Variants in DOCK8 observed in about 807,000 individuals in gnomAD.
The protein encoded by DOCK8 is dedicator of cytokinesis 8.
DOCK8 carries 141 observed loss-of-function variants against 245.6 expected under a neutral mutation model. The observed-to-expected ratio is 0.57, with a 90% confidence interval of 0.50 to 0.66. The LOEUF is 0.66. Among genes scored for constraint, DOCK8 ranks in the 30% least tolerant of loss-of-function variants. The pLI is 0.00. For missense variants in DOCK8, 2,965 were observed against 2,603.4 expected (o/e 1.14, Z -3.02); for synonymous variants, 1,168 against 970.2 (o/e 1.20, Z -3.79).
Position 400,952 on chromosome 9 carries a change from ACCACCACCACCACCTCCT to A in DOCK8, c.3234+1700_3234+1717del, listed in dbSNP as rs1417591906. Among the ~76,000 whole-genome samples the A allele has an allele frequency of 6.2e-4, 42 of 67,482 alleles. 1 individual carries two copies. The highest frequency in any genetic ancestry group is 2.4e-3 in the East Asian group (3 of 1,256). The allele number at this position is 67,482 out of a possible 152,430, so 44.3% of individuals were successfully genotyped here. A position where few individuals can be genotyped will look rare whatever the true frequency, so the allele number is the denominator to read the frequency against. ...CACAACATCCACCACCACCATCACC[ACCACCACCACCACCTCCT>A]CCACCATCACCACCTCCTCCACCAC... On this transcript the variant is annotated intron_variant, in intron 26 of 47. Coordinates refer to ENST00000432829, the MANE Select transcript of DOCK8 (RefSeq NM_203447.4).
At chr9:246,606 A>G (rs1202373052) in intron 1 of DOCK8, among the ~76,000 whole-genome samples, 2 of 152,134 alleles carry the variant, frequency 1.3e-5, no homozygotes, top group African/African-American at 4.8e-5. Flanking sequence ...ATGTAAGAGT[A>G]TTTAAGGGAT....
chr9:213,397 A>C (rs147368799), upstream of DOCK8: 2 of 152,312 alleles, frequency 1.3e-5, no homozygotes, highest in Non-Finnish European at 2.9e-5. Context: ...TAGGAATATA[A>C]TGAGGCTCAC....
At chr9:301,047 A>G (rs927333675) in intron 4 of DOCK8, among the ~76,000 whole-genome samples, 7 of 152,202 alleles carry the variant, frequency 4.6e-5, no homozygotes, top group African/African-American at 1.7e-4. Flanking sequence ...CAGAAAAGAA[A>G]ACTTCAGGCC....
intron 2 of DOCK8, among the ~76,000 whole-genome samples, chr9:275,136 C>T (rs1469766278): frequency 2.0e-5 from 3 of 152,128 alleles, no homozygotes; most frequent in African/African-American, 7.2e-5. Flanking sequence ...GTAAAATTGG[C>T]ATAATAATGC....
chr9:334,484 G>C, intron 11 of DOCK8, 100 bp downstream of exon 11: 2 of 1,316,652 alleles, frequency 1.5e-6, no homozygotes, highest in Non-Finnish European at 2.1e-6. Context: ...TGAGGTGTGG[G>C]AAGTGGGGAG....
chr9:263,639 G>T (rs1244726439), intron 1 of DOCK8, among the ~76,000 whole-genome samples: 1 of 152,070 alleles, frequency 6.6e-6, no homozygotes, highest in Non-Finnish European at 1.5e-5. Flanking sequence ...GTATGGCTCT[G>T]CTGGTGATAA....
chr9:296,782 CAA>C (rs943978874), intron 4 of DOCK8, among the ~76,000 whole-genome samples: 2 of 152,142 alleles, frequency 1.3e-5, no homozygotes, highest in African/African-American at 2.4e-5. Context: ...TATGTGGTAA[CAA>C]AGAGCAATCC....
chr9:365,937 A>C (rs942333768), intron 14 of DOCK8: 1 of 267,058 alleles, frequency 3.7e-6, no homozygotes, highest in Non-Finnish European at 7.4e-6. Context: ...TCAGTGGCTC[A>C]GTCTTACCGA....
intron 26 of DOCK8, among the ~76,000 whole-genome samples, chr9:400,557 TCACCATCACCACCACCACCTC>T (rs2054890866): frequency 1.9e-4 from 1 of 5,214 alleles, no homozygotes; most frequent in Non-Finnish European, 3.1e-4. Flanking sequence ...ACCAGCATCT[TCACCATCACCACCACCACCTC>T]CACCATCACC....
chr9:282,577 C>G (rs564708835), intron 2 of DOCK8, among the ~76,000 whole-genome samples: 1 of 149,816 alleles, frequency 6.7e-6, no homozygotes, highest in East Asian at 1.9e-4. Context: ...TACCACCACA[C>G]CCATCTAACT....
At chr9:341,374 T>C (rs1252964687) in intron 14 of DOCK8, among the ~76,000 whole-genome samples, 1 of 152,222 alleles carries the variant, frequency 6.6e-6, no homozygotes, top group Non-Finnish European at 1.5e-5. Context: ...TTAATGCTCA[T>C]GCACTTCTTT....
intron 23 of DOCK8, among the ~76,000 whole-genome samples, chr9:387,851 C>A (rs1158706122): frequency 1.3e-5 from 2 of 152,222 alleles, no homozygotes; most frequent in Non-Finnish European, 2.9e-5. Flanking sequence ...AGCCTGACTT[C>A]TTTAACCCAT....
chr9:401,487 A>G (rs556847482), intron 26 of DOCK8, among the ~76,000 whole-genome samples: 4 of 152,282 alleles, frequency 2.6e-5, no homozygotes, highest in African/African-American at 9.6e-5. Flanking sequence ...CAAGGGCTGT[A>G]GCAGCTTAGG....
chr9:232,073 A>G (rs1364509229), intron 1 of DOCK8, among the ~76,000 whole-genome samples: 1 of 152,168 alleles, frequency 6.6e-6, no homozygotes, highest in African/African-American at 2.4e-5. Context: ...ATGTCCCATC[A>G]ATACCTAATT....
At chr9:261,525 C>T (rs1051350214) in intron 1 of DOCK8, among the ~76,000 whole-genome samples, 1 of 152,148 alleles carries the variant, frequency 6.6e-6, no homozygotes, top group East Asian at 1.9e-4. Flanking sequence ...GTTTTATGGT[C>T]GGGGATATGG....
intron 1 of DOCK8, among the ~76,000 whole-genome samples, chr9:265,680 T>A (rs1378105366): frequency 6.6e-6 from 1 of 152,198 alleles, no homozygotes; most frequent in African/African-American, 2.4e-5. Context: ...TACCAGCAGA[T>A]AATGAAAGAA....
At chr9:400,321 TC>T (rs2054828201) in intron 26 of DOCK8, among the ~76,000 whole-genome samples, 1 of 39,662 alleles carries the variant, frequency 2.5e-5, no homozygotes, top group Non-Finnish European at 4.3e-5. Context: ...CACCACCACC[TC>T]CACCACCACC....
intron 39 of DOCK8, among the ~76,000 whole-genome samples, chr9:436,495 C>G (rs1354994464): frequency 1.3e-5 from 2 of 152,108 alleles, no homozygotes; most frequent in Non-Finnish European, 2.9e-5. Context: ...GTTTCATTTA[C>G]TAAATTATTT....
chr9:214,226 A>C, upstream of DOCK8: 1 of 430,734 alleles, frequency 2.3e-6, no homozygotes, highest in Non-Finnish European at 4.2e-6. Flanking sequence ...TCTGAAACTG[A>C]AATAAACCTG....
Sources: allele counts gnomAD v4.1 joint callset (sites outside exome capture counted in the v4.1 genomes callset), GRCh38; gene constraint gnomAD v4.1.1; transcripts MANE v1.5; gene names NCBI Gene and HGNC (gene_info 2026-07-23, HGNC 2026-07-21).